Variants in ATP8A2 observed in about 807,000 individuals in gnomAD.
ATP8A2 encodes phospholipid-transporting ATPase IB.
In ATP8A2, 100 loss-of-function variants were observed where a neutral mutation model predicts 165.6. The ratio of observed to expected loss-of-function variants is 0.60; its 90% CI spans 0.51 to 0.71. The LOEUF is 0.71. Among genes scored for constraint, ATP8A2 ranks in the 30% least tolerant of loss-of-function variants. ATP8A2 has a pLI of 0.00. For synonymous variants in ATP8A2, 543 were observed against 548.8 expected (o/e 0.99, Z 0.15); for missense variants, 1,227 against 1,479.5 (o/e 0.83, Z 2.80).
intron 15 of ATP8A2, among the ~76,000 whole-genome samples, chr13:25,561,531 C>T (rs2039155303): frequency 6.6e-6 from 1 of 152,120 alleles, no homozygotes; most frequent in Admixed American, 6.5e-5. Flanking sequence ...CCCTACTGCC[C>T]ACCCCTGGTG....
At position 25,705,661 on chromosome 13, in the gene ATP8A2, G is replaced by A. The variant is rs1485665651; in HGVS notation, c.2384+6316G>A. 2.0e-5 allele frequency among the ~76,000 whole-genome samples: 3 copies of A among 152,204 alleles called. No individual in the cohort carries two copies. The East Asian group carries it at 5.8e-4, about 29-fold the overall frequency. On this transcript the variant is annotated intron_variant, in intron 25 of 36. Transcript: ENST00000381655. ...ACTTCTTGGGTTTATTTTTCTAACT[G>A]TAAGAGTGATTTATATTTTTTGTAA...
chr13:25,426,396 C>T (rs901698345), intron 1 of ATP8A2, among the ~76,000 whole-genome samples: 1 of 152,126 alleles, frequency 6.6e-6, no homozygotes, highest in African/African-American at 2.4e-5. Context: ...AGGGCAGCAC[C>T]AAGCTTTGAG....
intron 1 of ATP8A2, among the ~76,000 whole-genome samples, chr13:25,377,593 A>T (rs2032679677): frequency 6.6e-6 from 1 of 152,162 alleles, no homozygotes; most frequent in Admixed American, 6.6e-5. Flanking sequence ...TGAGGTCAGG[A>T]GTTCAAGACC....
At chr13:25,869,206 C>A (rs899564188) in intron 33 of ATP8A2, among the ~76,000 whole-genome samples, 1 of 152,056 alleles carries the variant, frequency 6.6e-6, no homozygotes, top group Non-Finnish European at 1.5e-5. Context: ...ACTCAGGCAT[C>A]CATCAGACAA....
At chr13:25,929,594 C>T (rs1954707383) in intron 33 of ATP8A2, among the ~76,000 whole-genome samples, 1 of 152,184 alleles carries the variant, frequency 6.6e-6, no homozygotes, top group African/African-American at 2.4e-5. Context: ...CTCAGTGGCT[C>T]ATGCCAGTAA....
chr13:25,549,412 A>G (rs2038750451), intron 10 of ATP8A2, among the ~76,000 whole-genome samples: 1 of 150,232 alleles, frequency 6.7e-6, no homozygotes, highest in Non-Finnish European at 1.5e-5. Context: ...GTGAGCCGAG[A>G]TCGCACCACT....
At chr13:25,795,076 G>A (rs1346894283) in intron 27 of ATP8A2, among the ~76,000 whole-genome samples, 1 of 151,846 alleles carries the variant, frequency 6.6e-6, no homozygotes, top group African/African-American at 2.4e-5. Flanking sequence ...TATAAACCAG[G>A]GAACAGTTGG....
At chr13:26,018,896 C>A (rs1314040788) in intron 36 of ATP8A2, among the ~76,000 whole-genome samples, 3 of 152,184 alleles carry the variant, frequency 2.0e-5, no homozygotes, top group Non-Finnish European at 4.4e-5. Flanking sequence ...TTTTATAGCA[C>A]AGTGTCTTAG....
intron 27 of ATP8A2, among the ~76,000 whole-genome samples, chr13:25,795,467 T>C (rs576235537): frequency 6.6e-6 from 1 of 152,342 alleles, no homozygotes. Context: ...GGATGACAGA[T>C]TGTCAGCACA....
At chr13:25,406,792 G>A (rs997447200) in intron 1 of ATP8A2, among the ~76,000 whole-genome samples, 7 of 152,216 alleles carry the variant, frequency 4.6e-5, no homozygotes, top group Non-Finnish European at 8.8e-5. Context: ...CAGAAAATAT[G>A]TTATCTCTTC....
chr13:25,447,920 A>C (rs1398213640), intron 1 of ATP8A2, among the ~76,000 whole-genome samples: 1 of 152,202 alleles, frequency 6.6e-6, no homozygotes, highest in Non-Finnish European at 1.5e-5. Flanking sequence ...ACATGTCTCC[A>C]ACCGTAGTCT....
chr13:25,473,448 A>G (rs1198130963), intron 2 of ATP8A2, among the ~76,000 whole-genome samples: 2 of 152,176 alleles, frequency 1.3e-5, no homozygotes, highest in Non-Finnish European at 2.9e-5. Flanking sequence ...GTTTATATAC[A>G]TATGTAAGAT....
At chr13:25,591,357 C>T (rs939062415) in intron 24 of ATP8A2, 15 of 456,500 alleles carry the variant, frequency 3.3e-5, no homozygotes, top group African/African-American at 2.8e-4. Flanking sequence ...CTTTGTGTCT[C>T]TATGAATTTC....
intron 27 of ATP8A2, among the ~76,000 whole-genome samples, chr13:25,823,229 T>C (rs1442689193): frequency 6.6e-6 from 1 of 152,222 alleles, no homozygotes; most frequent in African/African-American, 2.4e-5. Context: ...ATTTGGCATG[T>C]TTCTCTTATA....
At chr13:25,642,733 A>G (rs1199075778) in intron 24 of ATP8A2, among the ~76,000 whole-genome samples, 1 of 152,252 alleles carries the variant, frequency 6.6e-6, no homozygotes, top group Non-Finnish European at 1.5e-5. Flanking sequence ...AAAGGATTAT[A>G]AATCCTGCTG....
chr13:25,997,643 A>G (rs966296471), intron 35 of ATP8A2, among the ~76,000 whole-genome samples: 1 of 151,820 alleles, frequency 6.6e-6, no homozygotes, highest in Non-Finnish European at 1.5e-5. Flanking sequence ...TATTACTCAG[A>G]CTGGGTAATT....
At chr13:25,836,388 G>C (rs1444163233) in intron 28 of ATP8A2, among the ~76,000 whole-genome samples, 3 of 152,066 alleles carry the variant, frequency 2.0e-5, no homozygotes, top group African/African-American at 7.2e-5. Context: ...CTTTGTAAGG[G>C]GTGCATCTCT....
chr13:25,814,816 G>A (rs371764321), intron 27 of ATP8A2, among the ~76,000 whole-genome samples: 3 of 152,078 alleles, frequency 2.0e-5, no homozygotes, highest in African/African-American at 4.8e-5. Context: ...AGGAATTTGC[G>A]ACCAGTCTGG....
intron 1 of ATP8A2, among the ~76,000 whole-genome samples, chr13:25,379,915 G>T (rs945568352): frequency 6.6e-5 from 10 of 152,214 alleles, no homozygotes; most frequent in African/African-American, 2.4e-4. Context: ...TATTCAACTC[G>T]ATTGAACTCT....
Sources: allele counts gnomAD v4.1 joint callset (sites outside exome capture counted in the v4.1 genomes callset), GRCh38; gene constraint gnomAD v4.1.1; transcripts MANE v1.5; gene names NCBI Gene and HGNC (gene_info 2026-07-23, HGNC 2026-07-21).